Variants in TRMT1L observed in about 807,000 individuals in gnomAD.
The protein encoded by TRMT1L is tRNA methyltransferase 1L.
Under a neutral mutation model 81.6 loss-of-function variants are expected in TRMT1L, and 28 were observed. The observed-to-expected ratio is 0.34, with a 90% CI of 0.25 to 0.47. The LOEUF is 0.47. TRMT1L is among the 20% of genes least tolerant of loss of function. The pLI is 1.00. For missense variants in TRMT1L, 739 were observed against 877.1 expected (o/e 0.84, Z 1.99); for synonymous variants, 301 against 303.2 (o/e 0.99, Z 0.07).
In TRMT1L at chr1:185,140,033, T is replaced by G. The variant is rs770674466; in HGVS notation, c.1049A>C (p.Asn350Thr). 3.1e-6 allele frequency: 5 copies of G among 1,613,676 alleles called. No individual in the cohort carries two copies. The highest frequency in any genetic ancestry group is 2.2e-5 in the East Asian group (1 of 44,782). ...ILEEGEKNLG[N>T]IKVTKMDANV... The stretch of plus-strand genomic sequence containing the variant: ...GGCATCCATTTTGGTCACCTTAATA[T>G]TACCAAGATTTTTCTCTCCTTCTTC... Residue 350 changes from asparagine (N) to threonine (T), a missense_variant, in exon 8 of 15, where the codon AAT (asparagine) becomes ACT (threonine). This residue lies in a region of TRMT1L where 331 missense variants were observed against 462.2 expected (regional missense o/e 0.72). Coordinates refer to ENST00000367506, the MANE Select transcript of TRMT1L (RefSeq NM_030934.5).
chr1:185,145,657 G>T, intron 4 of TRMT1L, 89 bp from the exon 5 acceptor site: 1 of 1,281,690 alleles, frequency 7.8e-7, no homozygotes, highest in Admixed American at 2.0e-5. Context: ...TAGTGTCTTG[G>T]ATTTAATGGT....
chr1:185,126,489 T>C (rs1389502797), intron 11 of TRMT1L, among the ~76,000 whole-genome samples: 1 of 152,102 alleles, frequency 6.6e-6, no homozygotes, highest in Admixed American at 6.6e-5. Flanking sequence ...ATATCCTCAA[T>C]GTATGGTAGC....
At chr1:185,122,489 C>T (rs1652523420) in intron 13 of TRMT1L, among the ~76,000 whole-genome samples, 1 of 152,058 alleles carries the variant, frequency 6.6e-6, no homozygotes, top group Admixed American at 6.6e-5. Flanking sequence ...CTTACACTAT[C>T]CTCCCACTTC....
chr1:185,150,225 T>C (rs1294325616), intron 3 of TRMT1L, among the ~76,000 whole-genome samples, 154 bp downstream of exon 3: 3 of 152,204 alleles, frequency 2.0e-5, no homozygotes, highest in African/African-American at 7.2e-5. Context: ...TAAAGCTATA[T>C]GGTGTTTTAT....
At chr1:185,121,194 C>A (rs777024596) in intron 13 of TRMT1L, among the ~76,000 whole-genome samples, 1 of 152,164 alleles carries the variant, frequency 6.6e-6, no homozygotes, top group Non-Finnish European at 1.5e-5. Flanking sequence ...ATATCCAATA[C>A]TATAATGAGA....
chr1:185,120,231 G>A lies in TRMT1L; in HGVS notation c.1990C>T (p.Arg664Ter), dbSNP rs1457671073. Residue 664 changes from arginine to a stop codon, truncating the protein, a stop_gained, in exon 15 of 15, where the codon CGA becomes TGA. Coordinates refer to ENST00000367506, the MANE Select transcript of TRMT1L (RefSeq NM_030934.5). LOFTEE classifies it high-confidence loss of function. ...GGGTCAAAATGAGTTCGGCTTACTC[G>A]AAAGCCTGCTTGAGATAAATAGCAC... ...FLCYLSQAGFRVSRTHFDPMG... is the reference protein window; with the variant it reads ...FLCYLSQAGF 4 of 1,594,708 alleles carry A rather than the reference G, an allele frequency of 2.5e-6. No homozygotes were observed. The highest frequency in any genetic ancestry group is 3.4e-6 in the Non-Finnish European group (4 of 1,168,402).
intron 6 of TRMT1L, 34 bp from the exon 7 acceptor site, chr1:185,143,470 C>G (rs762965397): frequency 6.4e-7 from 1 of 1,556,948 alleles, no homozygotes; most frequent in Non-Finnish European, 8.8e-7. Flanking sequence ...ATAACTTTAC[C>G]ATGGCTTCAC....
At chr1:185,141,049 T>A (rs1653027911) in intron 7 of TRMT1L, among the ~76,000 whole-genome samples, 1 of 151,888 alleles carries the variant, frequency 6.6e-6, no homozygotes, top group South Asian at 2.1e-4. Flanking sequence ...AGGGCCCCTT[T>A]TCACAGTTTT....
At chr1:185,155,301 G>T (rs1391735338) in intron 1 of TRMT1L, among the ~76,000 whole-genome samples, 1 of 152,184 alleles carries the variant, frequency 6.6e-6, no homozygotes, top group African/African-American at 2.4e-5. Context: ...GAGGTAGGAG[G>T]CTACTTAGGA....
At chr1:185,143,857 C>T (rs1302281275) in intron 6 of TRMT1L, 49 bp downstream of exon 6, 1 of 1,511,240 alleles carries the variant, frequency 6.6e-7, no homozygotes, top group Non-Finnish European at 9.0e-7. Flanking sequence ...AGAAGGTACA[C>T]TTATAATAAT....
rs1652585907 is a variant in TRMT1L, at chr1:185,124,938, A to C, written c.1759+6T>G. 1.9e-6 allele frequency: 3 copies of C among 1,607,920 alleles called. No individual in the cohort carries two copies. The highest frequency in any genetic ancestry group is 1.7e-5 in the Admixed American group (1 of 59,722). On this transcript the variant is annotated splice_donor_region_variant and intron_variant, in intron 12 of 14. Coordinates refer to ENST00000367506, the MANE Select transcript of TRMT1L (RefSeq NM_030934.5). ...AAAGCTAGTAAGCTAGCGTTCAGTT[A>C]GTCACCTTGCTTGTTGACATTTGAA...
At chr1:185,141,048 T>A (rs1653027842) in intron 7 of TRMT1L, among the ~76,000 whole-genome samples, 1 of 151,760 alleles carries the variant, frequency 6.6e-6, no homozygotes, top group South Asian at 2.1e-4. Flanking sequence ...AAGGGCCCCT[T>A]TTCACAGTTT....
Position 185,143,921 on chromosome 1 carries a change from T to G in TRMT1L, c.764A>C (p.Lys255Thr). 5 of 1,607,278 alleles carry G rather than the reference T, an allele frequency of 3.1e-6. No homozygotes were observed. Among genetic ancestry groups the G allele is most frequent in the Non-Finnish European group, 3.4e-6 (4 of 1,175,746 alleles). Residue 255 changes from lysine (K) to threonine (T), a missense_variant, in exon 6 of 15, where the codon AAA becomes ACA. Lys to Thr is a moderately conservative substitution (Grantham distance 78, BLOSUM62 -1). Coordinates refer to ENST00000367506, the MANE Select transcript of TRMT1L (RefSeq NM_030934.5). ...PQKTDSYFNP[K>T]MKLNRQLIFC... ...TTTATCTTACCGATTTAGTTTCATT[T>G]TGGGGTTAAAATAGGAATCTGTTTT...
chr1:185,130,072 C>T (rs1652731547), intron 10 of TRMT1L, among the ~76,000 whole-genome samples: 1 of 152,184 alleles, frequency 6.6e-6, no homozygotes, highest in African/African-American at 2.4e-5. Context: ...TCTTACCATA[C>T]AAACGTGCCT....
At position 185,130,980 on chromosome 1, in the gene TRMT1L, G is replaced by A. The variant is rs546162042; in HGVS notation, c.1514-2233C>T. Among the ~76,000 whole-genome samples the A allele has an allele frequency of 2.0e-5, 3 of 152,104 alleles. No homozygotes were observed. The South Asian group carries it at 6.2e-4, about 32-fold the overall frequency. Reference sequence around the variant, plus strand: ...AGCAGACTGGTATCTTCTTATCACAGTAAAATCCATTGGTTTATTTTTATT... The same window carrying A: ...AGCAGACTGGTATCTTCTTATCACAATAAAATCCATTGGTTTATTTTTATT... On this transcript the variant is annotated intron_variant, in intron 10 of 14. Coordinates refer to ENST00000367506, the MANE Select transcript of TRMT1L (RefSeq NM_030934.5).
chr1:185,128,398 C>G (rs1400993090), intron 11 of TRMT1L, among the ~76,000 whole-genome samples: 1 of 152,126 alleles, frequency 6.6e-6, no homozygotes, highest in African/African-American at 2.4e-5. Flanking sequence ...TCTTACTATT[C>G]AGAAATGAAT....
chr1:185,138,224 ACAGT>A (rs922617006), intron 9 of TRMT1L, among the ~76,000 whole-genome samples: 13 of 152,316 alleles, frequency 8.5e-5, no homozygotes, highest in East Asian at 1.9e-4. Context: ...TGAAAAAAGA[ACAGT>A]CAAAGTCCTT....
chr1:185,151,709 C>A (rs1653355008), intron 2 of TRMT1L, 116 bp downstream of exon 2: 6 of 559,014 alleles, frequency 1.1e-5, no homozygotes, highest in Non-Finnish European at 1.7e-5. Flanking sequence ...TATTTTACCA[C>A]TGTTCTAGTT....
intron 3 of TRMT1L, among the ~76,000 whole-genome samples, 153 bp from the exon 4 acceptor site, chr1:185,147,399 A>G (rs12043427): frequency 0.1 from 15,193 of 152,226 alleles, 982 homozygotes; most frequent in East Asian, 0.25. Flanking sequence ...TTATACAATT[A>G]TTATACATGA....
Sources: allele counts gnomAD v4.1 joint callset (sites outside exome capture counted in the v4.1 genomes callset), GRCh38; gene constraint gnomAD v4.1.1; regional missense constraint gnomAD v4.1.1; transcripts MANE v1.5; gene names NCBI Gene and HGNC (gene_info 2026-07-23, HGNC 2026-07-21).